The following KIF14 variants were observed in gnomAD, a reference collection of about 807,000 sequenced individuals.
The protein encoded by KIF14 is kinesin-like protein KIF14.
In KIF14, 98 loss-of-function variants were observed where a neutral mutation model predicts 176.2. The observed-to-expected ratio is 0.56, with a 90% confidence interval of 0.47 to 0.66. The LOEUF (loss-of-function observed/expected upper bound fraction) is 0.66, where lower values mean the gene tolerates loss of function less well. KIF14 is among the 30% of genes least tolerant of loss of function. The pLI is 0.00. For missense variants in KIF14, 1,751 were observed against 1,920.4 expected (o/e 0.91, Z 1.65); for synonymous variants, 566 against 632.2 (o/e 0.90, Z 1.57).
chr1:200,619,428 C>T (rs1660575333), intron 1 of KIF14, among the ~76,000 whole-genome samples: 1 of 152,106 alleles, frequency 6.6e-6, no homozygotes, highest in Admixed American at 6.5e-5. Flanking sequence ...CCTTGGCTTG[C>T]TGCAACCTCC....
chr1:200,556,905 C>A (rs1186738400), intron 27 of KIF14, among the ~76,000 whole-genome samples: 1 of 152,224 alleles, frequency 6.6e-6, no homozygotes, highest in Non-Finnish European at 1.5e-5. Flanking sequence ...CACTATGGAA[C>A]TGAAATCAGC....
chr1:200,589,842 C>T (rs1439837456), intron 17 of KIF14, among the ~76,000 whole-genome samples: 1 of 151,700 alleles, frequency 6.6e-6, no homozygotes, highest in African/African-American at 2.4e-5. Flanking sequence ...TTGGAGAGAC[C>T]GGTTTCCCTA....
intron 21 of KIF14, among the ~76,000 whole-genome samples, chr1:200,578,769 T>C (rs16846932): frequency 0.22 from 33,668 of 152,140 alleles, 5,222 homozygotes; most frequent in African/African-American, 0.43. Context: ...ATAACTTTTA[T>C]AGCTATATTA....
At chr1:200,577,172 A>G (rs1184456204) in intron 21 of KIF14, among the ~76,000 whole-genome samples, 1 of 131,810 alleles carries the variant, frequency 7.6e-6, no homozygotes, top group Non-Finnish European at 1.7e-5. Context: ...AAAAAAAAAA[A>G]AATTAGCTGG....
At chr1:200,560,139 C>A (rs903916310) in intron 26 of KIF14, among the ~76,000 whole-genome samples, 6 of 152,188 alleles carry the variant, frequency 3.9e-5, no homozygotes, top group Non-Finnish European at 7.3e-5. Context: ...TCTGGTATTA[C>A]AACGTTTTTT....
chr1:200,600,422 C>T lies in KIF14; in HGVS notation c.2234G>A (p.Arg745Gln), dbSNP rs758555845. 6.8e-6 allele frequency: 11 copies of T among 1,613,586 alleles called. No individual in the cohort carries two copies. The highest frequency in any genetic ancestry group is 2.2e-5 in the South Asian group (2 of 91,076). ...CATTCTTAAGGATGTTATTTCTTGCCGACAGAGCCTGTATCGTTCAGGGTC... is the reference window on the plus strand; with the variant it reads ...CATTCTTAAGGATGTTATTTCTTGCTGACAGAGCCTGTATCGTTCAGGGTC... ...NIDPERYRLC[R>Q]QEITSLRMKL... is the part of the protein sequence containing the mutation. The change falls in exon 12 of 30, where the codon CGG (arginine) becomes CAG (glutamine). Residue 745 changes from arginine (R) to glutamine (Q), a missense_variant. Arg to Gln is a conservative substitution (Grantham distance 43). Transcript: ENST00000367350.
rs1479481474 is a variant in KIF14, at chr1:200,569,995, A to T, written c.3577T>A (p.Leu1193Met). The change falls in exon 23 of 30, where the codon TTG becomes ATG. Residue 1193 changes from leucine (L) to methionine (M), a missense_variant. Physicochemically the swap from Leu to Met is conservative, Grantham distance 15 (BLOSUM62 2). Transcript: ENST00000367350. ...CCAGAAATTCTTCTGTTCTTCATCA[A>T]ACTCCTACTCCTGAAAAAAGACAAA... Reference protein sequence around the residue: ...SSLSRRRSRSLMKNRRISGCL... With the variant: ...SSLSRRRSRSMMKNRRISGCL... 1 of 1,591,016 alleles carries T rather than the reference A, an allele frequency of 6.3e-7. No individual in the cohort carries two copies. The highest frequency in any genetic ancestry group is 1.1e-5 in the South Asian group (1 of 88,732).
chr1:200,579,352 A>C (rs1658316790), intron 21 of KIF14, among the ~76,000 whole-genome samples: 1 of 152,116 alleles, frequency 6.6e-6, no homozygotes, highest in Admixed American at 6.5e-5. Context: ...CATGCCTGTA[A>C]TCCCAGCACT....
At chr1:200,565,035 A>T (rs1319650973) in intron 25 of KIF14, 34 bp downstream of exon 25, 6 of 1,504,070 alleles carry the variant, frequency 4.0e-6, no homozygotes, top group Non-Finnish European at 5.5e-6. Flanking sequence ...TTATTAAATG[A>T]ATCCTTCAAA....
At chr1:200,555,648 C>T (rs1656794138) in intron 27 of KIF14, among the ~76,000 whole-genome samples, 194 bp from the exon 28 acceptor site, 2 of 152,070 alleles carry the variant, frequency 1.3e-5, no homozygotes, top group South Asian at 4.1e-4. Flanking sequence ...AAATAAATTG[C>T]ACATTGACTT....
chr1:200,613,692 TACATAC>T (rs1402123565), intron 4 of KIF14, among the ~76,000 whole-genome samples: 1 of 152,068 alleles, frequency 6.6e-6, no homozygotes, highest in African/African-American at 2.4e-5. Context: ...AGCAAGTGTG[TACATAC>T]ACATACACAT....
rs754449285 is a variant in KIF14, at chr1:200,615,474, G to T, written c.1248C>A (p.His416Gln). 6.2e-7 allele frequency: 1 copy of T among 1,614,124 alleles called. No homozygotes were observed. The highest frequency in any genetic ancestry group is 8.5e-7 in the Non-Finnish European group (1 of 1,179,994). Residue 416 changes from histidine (H) to glutamine (Q), a missense_variant, in exon 3 of 30, where the codon CAC (histidine) becomes CAA (glutamine). By Grantham distance (24) the His-to-Gln change is conservative (BLOSUM62 0). Transcript: ENST00000367350. Reference protein sequence around the residue: ...SFWSFDECHPHYASQTTVYEK... With the variant: ...SFWSFDECHPQYASQTTVYEK... ...CATAGACAGTTGTCTGGCTAGCGTA[G>T]TGAGGATGACATTCATCAAAAGACC...
chr1:200,615,000 T>C (rs1287424067), intron 3 of KIF14, among the ~76,000 whole-genome samples: 2 of 152,068 alleles, frequency 1.3e-5, no homozygotes, highest in Non-Finnish European at 2.9e-5. Context: ...GCTTCCCAAG[T>C]AGCTGAGACT....
Position 200,589,382 on chromosome 1 carries a change from A to C in KIF14, c.2962-13T>G, listed in dbSNP as rs761423093. The C allele has an allele frequency of 6.3e-7, 1 of 1,579,462 alleles. No homozygotes were observed. The highest frequency in any genetic ancestry group is 1.4e-5 in the African/African-American group (1 of 73,354). On this transcript the variant is annotated splice_polypyrimidine_tract_variant and intron_variant, in intron 17 of 29. Transcript: ENST00000367350. Reference sequence around the variant, plus strand: ...GAGACTCTTCTCTCTTTAAAGAACAATAATAAAAAATATCTCAGGCAAAAA... The same window carrying C: ...GAGACTCTTCTCTCTTTAAAGAACACTAATAAAAAATATCTCAGGCAAAAA...
intron 19 of KIF14, among the ~76,000 whole-genome samples, chr1:200,581,761 C>CT (rs66935478): frequency 0.033 from 2,767 of 82,994 alleles, 42 homozygotes; most frequent in African/African-American, 0.062. Flanking sequence ...TTTCACTTTC[C>CT]TTTTTTTTTT....
At chr1:200,583,779 T>C (rs1426007128) in intron 19 of KIF14, among the ~76,000 whole-genome samples, 3 of 151,524 alleles carry the variant, frequency 2.0e-5, no homozygotes, top group African/African-American at 7.3e-5. Context: ...CTGTCTCTAC[T>C]AAAAATACAA....
chr1:200,581,453 A>ATTTTTTTCACCAAATGG (rs1456830707), intron 19 of KIF14, among the ~76,000 whole-genome samples, 159 bp from the exon 20 acceptor site: 1 of 152,190 alleles, frequency 6.6e-6, no homozygotes, highest in African/African-American at 2.4e-5. Context: ...ATTTGGTGAA[A>ATTTTTTTCACCAAATGG]TAAAACATTT....
At position 200,583,681 on chromosome 1, in the gene KIF14, C is replaced by G. The variant is rs778986509; in HGVS notation, c.3242-2387G>C. Among the ~76,000 whole-genome samples the G allele has an allele frequency of 8.6e-5, 13 of 152,040 alleles. 1 individual carries two copies. Among genetic ancestry groups the G allele is most frequent in the Admixed American group, 1.3e-4 (2 of 15,276 alleles). On this transcript the variant is annotated intron_variant, in intron 19 of 29. Coordinates refer to ENST00000367350, the MANE Select transcript of KIF14 (RefSeq NM_014875.3). ...ACTTGGCTAGGCATGGTGGCTCACA[C>G]CTGTAATCCCAGCACTTTGGGAAGC...
At chr1:200,605,738 C>T (rs973683625) in intron 7 of KIF14, 126 bp downstream of exon 7, 40 of 603,488 alleles carry the variant, frequency 6.6e-5, no homozygotes, top group African/African-American at 5.8e-4. Context: ...TTAACAAAAT[C>T]GGTTTGTGAT....
Sources: gnomAD v4.1 joint callset for allele counts (sites outside exome capture counted in the v4.1 genomes callset) on GRCh38, gnomAD v4.1.1 for gene constraint, MANE v1.5 for transcripts, NCBI Gene and HGNC (gene_info 2026-07-23, HGNC 2026-07-21) for gene names.